The following BOC variants were observed in gnomAD, a reference collection of about 807,000 sequenced individuals.
The protein encoded by BOC is brother of CDO.
A neutral mutation model predicts 112.0 loss-of-function variants in BOC; 76 were observed. The ratio of observed to expected loss-of-function variants is 0.68; its 90% CI spans 0.56 to 0.82. BOC has a LOEUF of 0.82. Ranked by LOEUF, BOC falls within the 40% of genes least tolerant of loss-of-function variation. The pLI is 0.00. For synonymous variants in BOC, 580 were observed against 599.8 expected (o/e 0.97, Z 0.48); for missense variants, 1,309 against 1,511.7 (o/e 0.87, Z 2.22).
chr3:113,217,118 C>A (rs1939554681), intron 2 of BOC, among the ~76,000 whole-genome samples: 1 of 152,180 alleles, frequency 6.6e-6, no homozygotes, highest in Admixed American at 6.5e-5. Flanking sequence ...GGAATTAATA[C>A]CAGAGCCCAT....
chr3:113,243,204 G>C (rs1449956801), intron 2 of BOC, among the ~76,000 whole-genome samples: 2 of 152,172 alleles, frequency 1.3e-5, no homozygotes, highest in African/African-American at 4.8e-5. Context: ...AAAGAAACTG[G>C]GTTGAAGAGA....
chr3:113,286,361 A>G (rs2107771787), intron 19 of BOC, among the ~76,000 whole-genome samples: 1 of 152,300 alleles, frequency 6.6e-6, no homozygotes, highest in Middle Eastern at 3.4e-3. Flanking sequence ...CTAGCCGCCT[A>G]AACATAGAAA....
rs148859899 is a variant in BOC, at chr3:113,281,981, G to C, written c.2434+828G>C. 2.6e-4 allele frequency among the ~76,000 whole-genome samples: 40 copies of C among 152,266 alleles called. 1 individual carries two copies. The East Asian group carries it at 7.0e-3, about 27-fold the overall frequency. On this transcript the variant is annotated intron_variant, in intron 15 of 19. Transcript: ENST00000682979. The stretch of plus-strand genomic sequence containing the variant: ...CACCTGGTGCAGGGAGTGCCCAGAG[G>C]GAGGAAGAGACTTCATAAAGCCTTC...
In BOC at chr3:113,286,962, T is replaced by G; in HGVS notation, c.*100T>G. ...AAAATTGGTATTTATTTTTCTATTA[T>G]AGCCATATTTATATATTTATGCACT... On this transcript the variant is annotated 3_prime_UTR_variant, in exon 20 of 20. Coordinates refer to ENST00000682979, the MANE Select transcript of BOC (RefSeq NM_001378074.1). The G allele has an allele frequency of 8.7e-7, 1 of 1,151,744 alleles. No individual in the cohort carries two copies. 71.3% of individuals were successfully genotyped at this position (1,151,744 alleles called of 1,614,324 possible).
intron 2 of BOC, among the ~76,000 whole-genome samples, chr3:113,221,345 G>A (rs1015748212): frequency 2.0e-5 from 3 of 152,284 alleles, no homozygotes; most frequent in Non-Finnish European, 4.4e-5. Flanking sequence ...CAGGGTTTAC[G>A]GAGAGAAAGA....
At chr3:113,226,839 CT>C (rs1264233957) in intron 2 of BOC, among the ~76,000 whole-genome samples, 1 of 152,192 alleles carries the variant, frequency 6.6e-6, no homozygotes, top group Non-Finnish European at 1.5e-5. Context: ...AACAATAAGC[CT>C]TGCCTGACAG....
intron 2 of BOC, among the ~76,000 whole-genome samples, chr3:113,226,806 C>T (rs1177493566): frequency 1.3e-5 from 2 of 152,226 alleles, no homozygotes; most frequent in Admixed American, 6.5e-5. Context: ...TAGCACGGAA[C>T]TGTTACTGCT....
chr3:113,246,603 G>A (rs1282145297), intron 2 of BOC, among the ~76,000 whole-genome samples: 2 of 152,054 alleles, frequency 1.3e-5, no homozygotes, highest in African/African-American at 4.8e-5. Flanking sequence ...TAAATAAAAT[G>A]CATCATTTTA....
At chr3:113,218,803 G>C (rs1320584021) in intron 2 of BOC, among the ~76,000 whole-genome samples, 1 of 152,232 alleles carries the variant, frequency 6.6e-6, no homozygotes, top group Non-Finnish European at 1.5e-5. Flanking sequence ...CAGAGCTGGA[G>C]GCTGGGAAGT....
At position 113,273,101 on chromosome 3, in the gene BOC, C is replaced by T; in HGVS notation, c.994C>T (p.Leu332=). ...PPEVTMELSQ[L]VIPWGQSAKL... is the part of the protein sequence containing the mutation. ...TGAGGTCACCATGGAGCTATCCCAG[C>T]TGGTCATCCCCTGGGGCCAGAGTGC... The change falls in exon 8 of 20, where the codon CTG becomes TTG. Residue 332 remains leucine (L), a synonymous_variant. Transcript: ENST00000682979. 1 of 1,609,080 alleles carries T rather than the reference C, an allele frequency of 6.2e-7. No homozygotes were observed. Among genetic ancestry groups the T allele is most frequent in the Non-Finnish European group, 8.5e-7 (1 of 1,175,924 alleles).
At chr3:113,254,035 A>G (rs773507018) in intron 4 of BOC, among the ~76,000 whole-genome samples, 10 of 152,170 alleles carry the variant, frequency 6.6e-5, no homozygotes, top group Admixed American at 3.9e-4. Flanking sequence ...TTCTGCTTCA[A>G]GGTGTATCTG....
chr3:113,283,735 A>C, intron 16 of BOC, 103 bp downstream of exon 16: 1 of 1,112,628 alleles, frequency 9.0e-7, no homozygotes, highest in Non-Finnish European at 1.3e-6. Context: ...CTCAAGCCCA[A>C]GTCCCCCAAA....
At chr3:113,252,548 G>T (rs1342571845) in intron 4 of BOC, among the ~76,000 whole-genome samples, 26 of 152,180 alleles carry the variant, frequency 1.7e-4, no homozygotes, top group Admixed American at 1.7e-3. Context: ...GTAACAGAAT[G>T]GAGGAAAGCC....
chr3:113,280,580 A>C lies in BOC; in HGVS notation c.2228A>C (p.Asn743Thr), dbSNP rs768916795. ...KWMYIPASNN[N>T]TPIHGFYIYY... ...TAGTACATCCCAGCAAGTAACAACA[A>C]CACCCCAATCCATGGCTTTTATATC... Residue 743 changes from asparagine (N) to threonine (T), a missense_variant, in exon 14 of 20, where the codon AAC becomes ACC. Coordinates refer to ENST00000682979, the MANE Select transcript of BOC (RefSeq NM_001378074.1). 1.8e-5 allele frequency: 29 copies of C among 1,611,096 alleles called. No individual in the cohort carries two copies. The highest frequency in any genetic ancestry group is 2.1e-5 in the Non-Finnish European group (25 of 1,177,232).
chr3:113,257,754 A>G (rs764976052), intron 4 of BOC, among the ~76,000 whole-genome samples: 4 of 152,076 alleles, frequency 2.6e-5, no homozygotes, highest in Non-Finnish European at 4.4e-5. Context: ...TTTGTCCTCA[A>G]TACCTTACAA....
chr3:113,216,046 A>C, intron 1 of BOC, 141 bp from the exon 2 acceptor site: 1 of 279,118 alleles, frequency 3.6e-6, no homozygotes, highest in Non-Finnish European at 7.3e-6. Flanking sequence ...TCTTAGAAAA[A>C]TCGCTTTTCT....
chr3:113,240,046 G>C (rs767872919), intron 2 of BOC, among the ~76,000 whole-genome samples: 1 of 152,160 alleles, frequency 6.6e-6, no homozygotes, highest in Non-Finnish European at 1.5e-5. Context: ...CTGGCTTCCG[G>C]ATAGCATTTC....
chr3:113,243,608 A>G (rs1944566885), intron 2 of BOC, among the ~76,000 whole-genome samples: 1 of 152,162 alleles, frequency 6.6e-6, no homozygotes, highest in South Asian at 2.1e-4. Context: ...GGATTAGGGA[A>G]GTTTGGAGAC....
In BOC at chr3:113,268,509, G is replaced by A. The variant is rs556312060; in HGVS notation, c.523+64G>A. On this transcript the variant is annotated intron_variant, in intron 5 of 19. Transcript: ENST00000682979. ...GAAGGGAAGCTGGCCTCCTCCAACC[G>A]CTCGCTGCTCAACAAAGCTAGGGCA... The A allele has an allele frequency of 4.2e-3, 6,339 of 1,508,122 alleles. 22 individuals are homozygous for A. The highest frequency in any genetic ancestry group is 4.4e-3 in the Middle Eastern group (23 of 5,268). The allele number at this position is 1,508,122 out of a possible 1,614,324, so 93.4% of individuals were successfully genotyped here.
Sources: allele counts gnomAD v4.1 joint callset (sites outside exome capture counted in the v4.1 genomes callset), GRCh38; gene constraint gnomAD v4.1.1; transcripts MANE v1.5; gene names NCBI Gene and HGNC (gene_info 2026-07-23, HGNC 2026-07-21).